Variants in IMMP2L observed in about 807,000 individuals in gnomAD.
IMMP2L encodes inner mitochondrial membrane peptidase subunit 2, also known as mitochondrial inner membrane protease subunit 2.
In IMMP2L, 18 loss-of-function variants were observed where a neutral mutation model predicts 19.3. The ratio of observed to expected loss-of-function variants is 0.93; its 90% CI spans 0.64 to 1.38. IMMP2L has a LOEUF of 1.38. IMMP2L is among the 40% of genes most tolerant of loss of function. The pLI is 0.00. For synonymous variants in IMMP2L, 76 were observed against 73.0 expected (o/e 1.04, Z -0.21); for missense variants, 233 against 218.2 (o/e 1.07, Z -0.43).
chr7:111,469,268 G>C (rs1840982263), intron 3 of IMMP2L, among the ~76,000 whole-genome samples: 1 of 152,124 alleles, frequency 6.6e-6, no homozygotes, highest in Non-Finnish European at 1.5e-5. Context: ...GAACTTTAAA[G>C]TAGTTTTTTC....
chr7:111,325,450 CTATAGA>C (rs1417908836), intron 3 of IMMP2L, among the ~76,000 whole-genome samples: 1 of 151,438 alleles, frequency 6.6e-6, no homozygotes, highest in East Asian at 1.9e-4. Flanking sequence ...CTTAATATAG[CTATAGA>C]TATTTTACCA....
intron 5 of IMMP2L, among the ~76,000 whole-genome samples, chr7:110,669,730 A>T (rs1363728948): frequency 1.3e-5 from 2 of 152,178 alleles, no homozygotes; most frequent in Non-Finnish European, 2.9e-5. Flanking sequence ...GCAGCAATGT[A>T]TTTTTTGAGC....
intron 4 of IMMP2L, among the ~76,000 whole-genome samples, chr7:110,898,341 A>G (rs754860549): frequency 2.0e-4 from 30 of 152,132 alleles, no homozygotes; most frequent in Non-Finnish European, 3.5e-4. Context: ...TGCATCAGTA[A>G]ATAAATGTTA....
intron 3 of IMMP2L, among the ~76,000 whole-genome samples, chr7:110,984,886 A>C (rs1821696861): frequency 6.6e-6 from 1 of 152,144 alleles, no homozygotes; most frequent in Admixed American, 6.6e-5. Flanking sequence ...AGGGAAATTA[A>C]GTTTGCTAAT....
At chr7:110,900,342 C>T (rs1811731376) in intron 4 of IMMP2L, among the ~76,000 whole-genome samples, 1 of 152,060 alleles carries the variant, frequency 6.6e-6, no homozygotes, top group Non-Finnish European at 1.5e-5. Flanking sequence ...GACAGAAAAC[C>T]ATAGCAAAAA....
intron 3 of IMMP2L, among the ~76,000 whole-genome samples, chr7:111,182,235 G>A (rs1054371947): frequency 2.0e-5 from 3 of 151,894 alleles, no homozygotes; most frequent in African/African-American, 7.3e-5. Flanking sequence ...TGGAACTCTG[G>A]AACAGGATTC....
At chr7:111,079,316 A>G (rs1488573749) in intron 3 of IMMP2L, among the ~76,000 whole-genome samples, 1 of 150,802 alleles carries the variant, frequency 6.6e-6, no homozygotes, top group Admixed American at 6.6e-5. Flanking sequence ...ACGGGGTTTC[A>G]CCGTTTTAGC....
At chr7:110,938,917 A>C (rs1816407469) in intron 4 of IMMP2L, among the ~76,000 whole-genome samples, 2 of 152,202 alleles carry the variant, frequency 1.3e-5, no homozygotes, top group Non-Finnish European at 2.9e-5. Flanking sequence ...GTTTGAATAT[A>C]CCAAAAATTT....
chr7:111,487,032 TGTTA>T (rs1563254243), intron 3 of IMMP2L, among the ~76,000 whole-genome samples: 1 of 152,156 alleles, frequency 6.6e-6, no homozygotes, highest in East Asian at 1.9e-4. Flanking sequence ...AATCCAAATA[TGTTA>T]GTCAACTAAC....
At chr7:111,333,722 G>A (rs925900087) in intron 3 of IMMP2L, among the ~76,000 whole-genome samples, 3 of 152,062 alleles carry the variant, frequency 2.0e-5, no homozygotes, top group Non-Finnish European at 2.9e-5. Context: ...AACATGAAAA[G>A]ACTAGACTGG....
intron 3 of IMMP2L, among the ~76,000 whole-genome samples, chr7:111,485,365 C>T (rs141579749): frequency 1.5e-3 from 234 of 151,796 alleles, no homozygotes; most frequent in African/African-American, 4.5e-3. Context: ...TTTGGGAGGC[C>T]GAGGTGGATA....
At chr7:111,352,656 C>A (rs1285503488) in intron 3 of IMMP2L, among the ~76,000 whole-genome samples, 1 of 152,096 alleles carries the variant, frequency 6.6e-6, no homozygotes, top group East Asian at 1.9e-4. Flanking sequence ...CTTAAGAATT[C>A]ATGACTTCTC....
chr7:111,001,332 T>C (rs1823663762), intron 3 of IMMP2L, among the ~76,000 whole-genome samples: 1 of 152,304 alleles, frequency 6.6e-6, no homozygotes, highest in Admixed American at 6.5e-5. Flanking sequence ...ATAAAATCCA[T>C]TCAAGCATAA....
intron 3 of IMMP2L, among the ~76,000 whole-genome samples, chr7:111,455,382 T>C (rs1215854195): frequency 7.9e-5 from 12 of 151,952 alleles, no homozygotes; most frequent in Non-Finnish European, 1.5e-4. Flanking sequence ...AAAGACATGA[T>C]TTTAACCTTT....
At chr7:111,238,297 A>G (rs1434962075) in intron 3 of IMMP2L, among the ~76,000 whole-genome samples, 2 of 151,742 alleles carry the variant, frequency 1.3e-5, no homozygotes, top group Non-Finnish European at 1.5e-5. Context: ...GATTCACCCT[A>G]TGGAACCTGT....
chr7:110,773,327 C>T lies in IMMP2L; in HGVS notation c.409-109606G>A, dbSNP rs561356512. Among the ~76,000 whole-genome samples the T allele has an allele frequency of 2.6e-4, 39 of 152,266 alleles. No homozygotes were observed. In the South Asian group the frequency reaches 8.1e-3, roughly 32 times the overall value. On this transcript the variant is annotated intron_variant, in intron 5 of 5. Coordinates refer to ENST00000405709, the MANE Select transcript of IMMP2L (RefSeq NM_032549.4). ...TTCAAGCAAAGAGCACTAAATTTACCTCCTAATTGGCTGAGACACAGCCAC... is the reference window on the plus strand; with the variant it reads ...TTCAAGCAAAGAGCACTAAATTTACTTCCTAATTGGCTGAGACACAGCCAC...
rs533632005 is a variant in IMMP2L, at chr7:110,865,311, C to T, written c.408+21282G>A. Among the ~76,000 whole-genome samples the T allele has an allele frequency of 2.2e-3, 331 of 152,082 alleles. 2 individuals carry two copies. The highest frequency in any genetic ancestry group is 3.7e-3 in the Admixed American group (56 of 15,240). On this transcript the variant is annotated intron_variant, in intron 5 of 5. Transcript: ENST00000405709. ...CCTCTAAAAGTAAATAAAATTAAGA[C>T]GGACTTTTCTGAATATTTTCAAAAA...
At chr7:111,143,713 T>A (rs1803178274) in intron 3 of IMMP2L, among the ~76,000 whole-genome samples, 1 of 152,074 alleles carries the variant, frequency 6.6e-6, no homozygotes, top group Non-Finnish European at 1.5e-5. Flanking sequence ...AGAAAGTAAA[T>A]ATAAACCACA....
chr7:110,840,906 T>C (rs1047378031), intron 5 of IMMP2L, among the ~76,000 whole-genome samples: 3 of 152,056 alleles, frequency 2.0e-5, no homozygotes, highest in Admixed American at 2.0e-4. Context: ...AACTATTAAT[T>C]ATACATTTTG....
Sources: allele counts gnomAD v4.1 joint callset (sites outside exome capture counted in the v4.1 genomes callset), GRCh38; gene constraint gnomAD v4.1.1; transcripts MANE v1.5; gene names NCBI Gene and HGNC (gene_info 2026-07-23, HGNC 2026-07-21).